SHLD2: variants seen among roughly 807,000 people sequenced by gnomAD.
The protein encoded by SHLD2 is shieldin complex subunit 2.
In SHLD2, 30 loss-of-function variants were observed where a neutral mutation model predicts 73.2. The observed-to-expected ratio is 0.41, with a 90% confidence interval of 0.31 to 0.56. The LOEUF is 0.56. Among genes scored for constraint, SHLD2 ranks in the 20% least tolerant of loss-of-function variants. The pLI, the probability that SHLD2 is intolerant of heterozygous loss-of-function variation, is 0.28. For missense variants in SHLD2, 745 were observed against 1,055.9 expected (o/e 0.71, Z 4.08); for synonymous variants, 285 against 370.1 (o/e 0.77, Z 2.64).
intron 2 of SHLD2, among the ~76,000 whole-genome samples, chr10:87,098,394 T>G (rs1172007230): frequency 1.3e-5 from 2 of 151,634 alleles, no homozygotes; most frequent in Non-Finnish European, 2.9e-5. Context: ...ATCCCTGTAA[T>G]CCCAGCTACT....
intron 2 of SHLD2, among the ~76,000 whole-genome samples, chr10:87,127,536 C>CCCCCG (rs1554829065): frequency 3.1e-5 from 2 of 65,256 alleles, no homozygotes; most frequent in Non-Finnish European, 6.4e-5. Flanking sequence ...CCCGCCCCCC[C>CCCCCG]CCACCCCGTC....
At chr10:87,112,364 A>G (rs1207236562) in intron 2 of SHLD2, among the ~76,000 whole-genome samples, 3 of 152,148 alleles carry the variant, frequency 2.0e-5, no homozygotes, top group Non-Finnish European at 4.4e-5. Context: ...AGGGAAATGC[A>G]AATAAAAATC....
At chr10:87,148,558 T>TC (rs1554830906) in intron 2 of SHLD2, among the ~76,000 whole-genome samples, 1 of 112,584 alleles carries the variant, frequency 8.9e-6, no homozygotes, top group African/African-American at 3.6e-5. Context: ...AACAAGTTTG[T>TC]GGGGGGGCGG....
chr10:87,138,755 C>T (rs974277884), intron 2 of SHLD2, among the ~76,000 whole-genome samples: 3 of 152,184 alleles, frequency 2.0e-5, no homozygotes, highest in African/African-American at 7.2e-5. Context: ...GAATCATTCT[C>T]CTACAGTAAA....
intron 3 of SHLD2, among the ~76,000 whole-genome samples, chr10:87,153,084 T>C (rs1233427228): frequency 6.6e-6 from 1 of 152,180 alleles, no homozygotes; most frequent in Non-Finnish European, 1.5e-5. Context: ...CTCTGTTCTA[T>C]CCTTCTCAGC....
chr10:87,150,198 G>A (rs1377267581), intron 2 of SHLD2, among the ~76,000 whole-genome samples: 1 of 150,168 alleles, frequency 6.7e-6, no homozygotes, highest in Non-Finnish European at 1.5e-5. Flanking sequence ...CCAAGTAACT[G>A]AGACTTTAGG....
chr10:87,120,228 G>T (rs899404846), intron 2 of SHLD2, among the ~76,000 whole-genome samples: 6 of 145,244 alleles, frequency 4.1e-5, no homozygotes, highest in Admixed American at 6.9e-5. Flanking sequence ...AAGTGTTGAG[G>T]TATTTATTTA....
chr10:87,122,136 GT>G (rs1234855306), intron 2 of SHLD2, among the ~76,000 whole-genome samples: 7 of 105,144 alleles, frequency 6.7e-5, no homozygotes, highest in Admixed American at 2.2e-4. Context: ...GGCGTGGCTG[GT>G]TTTTTTTTTC....
At chr10:87,100,724 CGCCTCG>C (rs1842213537) in intron 2 of SHLD2, among the ~76,000 whole-genome samples, 1 of 152,110 alleles carries the variant, frequency 6.6e-6, no homozygotes, top group Non-Finnish European at 1.5e-5. Flanking sequence ...GTGATCCGCC[CGCCTCG>C]GCCTCCCAAA....
chr10:87,127,623 A>G, intron 2 of SHLD2, among the ~76,000 whole-genome samples: 1 of 149,188 alleles, frequency 6.7e-6, no homozygotes, highest in East Asian at 2.0e-4. Context: ...TTGGGTAGAC[A>G]AGGTAAGTAT....
At chr10:87,105,851 CTT>C (rs1842561534) in intron 2 of SHLD2, among the ~76,000 whole-genome samples, 1 of 152,214 alleles carries the variant, frequency 6.6e-6, no homozygotes, top group Non-Finnish European at 1.5e-5. Context: ...CTTCAACTCT[CTT>C]AGACCCCAGT....
intron 2 of SHLD2, among the ~76,000 whole-genome samples, chr10:87,146,416 C>T (rs1845613913): frequency 6.6e-6 from 1 of 152,026 alleles, no homozygotes; most frequent in Non-Finnish European, 1.5e-5. Context: ...GCCTCAGCCT[C>T]TGGTGTAGCT....
chr10:87,179,622 C>T (rs1848179886), intron 7 of SHLD2, among the ~76,000 whole-genome samples: 1 of 152,218 alleles, frequency 6.6e-6, no homozygotes, highest in South Asian at 2.1e-4. Flanking sequence ...AGGATGGTCT[C>T]GATCTCCTGA....
At chr10:87,186,378 A>G (rs1366560130) in intron 8 of SHLD2, among the ~76,000 whole-genome samples, 1 of 152,260 alleles carries the variant, frequency 6.6e-6, no homozygotes, top group African/African-American at 2.4e-5. Context: ...TAAAATGCAC[A>G]CTACATAGGA....
At chr10:87,133,327 C>A (rs1191849963) in intron 2 of SHLD2, among the ~76,000 whole-genome samples, 1 of 151,918 alleles carries the variant, frequency 6.6e-6, no homozygotes, top group Admixed American at 6.6e-5. Flanking sequence ...TAATTAATAT[C>A]TTTGAAATCC....
At chr10:87,173,522 A>C (rs1847747895) in intron 6 of SHLD2, among the ~76,000 whole-genome samples, 1 of 152,194 alleles carries the variant, frequency 6.6e-6, no homozygotes, top group African/African-American at 2.4e-5. Flanking sequence ...AAATCTAGCT[A>C]ACAATGTGAG....
At chr10:87,145,026 C>T (rs1258675755) in intron 2 of SHLD2, among the ~76,000 whole-genome samples, 1 of 147,584 alleles carries the variant, frequency 6.8e-6, no homozygotes, top group Non-Finnish European at 1.5e-5. Context: ...CTGCAAGCTC[C>T]GCCTCCCGGG....
At chr10:87,168,979 C>A (rs1847398677) in intron 4 of SHLD2, among the ~76,000 whole-genome samples, 1 of 152,110 alleles carries the variant, frequency 6.6e-6, no homozygotes, top group Non-Finnish European at 1.5e-5. Flanking sequence ...ACATGTTTTA[C>A]AAACCTAGTT....
At chr10:87,123,955 A>G (rs749608413) in intron 2 of SHLD2, among the ~76,000 whole-genome samples, 42 of 152,298 alleles carry the variant, frequency 2.8e-4, no homozygotes, top group Non-Finnish European at 5.3e-4. Flanking sequence ...TGTTATTTCC[A>G]TGGAAAACAT....
Sources: allele counts gnomAD v4.1 joint callset (sites outside exome capture counted in the v4.1 genomes callset), GRCh38; gene constraint gnomAD v4.1.1; transcripts MANE v1.5; gene names NCBI Gene and HGNC (gene_info 2026-07-23, HGNC 2026-07-21).